TENM1: variants seen among roughly 807,000 people sequenced by gnomAD.
TENM1 encodes teneurin-1.
TENM1 carries 35 observed loss-of-function variants against 174.8 expected under a neutral mutation model. The ratio of observed to expected loss-of-function variants is 0.20; its 90% CI spans 0.15 to 0.27. The LOEUF (loss-of-function observed/expected upper bound fraction) is 0.27, where lower values mean the gene tolerates loss of function less well. Among genes scored for constraint, TENM1 ranks in the 10% least tolerant of loss-of-function variants. TENM1 has a pLI of 1.00. For synonymous variants in TENM1, 781 were observed against 798.7 expected, an observed-to-expected ratio of 0.98 and a Z score of 0.37; for missense variants, 1,633 against 2,130.1, an observed-to-expected ratio of 0.77 and a Z score of 4.59.
intron 6 of TENM1, among the ~76,000 whole-genome samples, chrX:124,669,398 C>T (rs1464448830): frequency 9.0e-6 from 1 of 111,409 alleles, no homozygotes; most frequent in Non-Finnish European, 1.9e-5. Context: ...TTGTCAGTTT[C>T]ATATTTTAGT....
chrX:124,679,330 G>T (rs1024743045), intron 5 of TENM1, among the ~76,000 whole-genome samples: 9 of 111,655 alleles, frequency 8.1e-5, no homozygotes, highest in African/African-American at 2.6e-4. Flanking sequence ...TACTTCCAAG[G>T]CTTGTCAAAA....
the TENM1 span, among the ~76,000 whole-genome samples, chrX:125,009,113 C>CG: frequency 1.1e-5 from 1 of 88,594 alleles, no homozygotes; most frequent in African/African-American, 4.5e-5. Context: ...TTTTTTTTTC[C>CG]GGAAAAAAAA....
chrX:124,387,781 G>A (rs909021116), intron 28 of TENM1, among the ~76,000 whole-genome samples: 6 of 111,897 alleles, frequency 5.4e-5, no homozygotes, highest in Non-Finnish European at 9.4e-5. Context: ...CCAACATTAC[G>A]CCTGCAGAGC....
intron 4 of TENM1, among the ~76,000 whole-genome samples, chrX:124,713,860 G>C (rs1448176710): frequency 1.8e-5 from 2 of 112,151 alleles, no homozygotes; most frequent in African/African-American, 6.5e-5. Context: ...TTCTTGGCTT[G>C]TTGAATGTAA....
chrX:124,523,965 C>T (rs1480600898), intron 16 of TENM1, among the ~76,000 whole-genome samples: 1 of 104,613 alleles, frequency 9.6e-6, no homozygotes, highest in Non-Finnish European at 2.0e-5. Context: ...ACCTCCGCCT[C>T]CTGGGTTCAA....
At chrX:124,462,429 T>TGGGGGGG (rs1487840715) in intron 22 of TENM1, among the ~76,000 whole-genome samples, 2 of 28,816 alleles carry the variant, frequency 6.9e-5, no homozygotes, top group African/African-American at 3.6e-4. Flanking sequence ...TGTGTGTGTG[T>TGGGGGGG]GTGGGGGGGG....
At chrX:124,959,572 A>G (rs2058625617) in intron 1 of TENM1, among the ~76,000 whole-genome samples, 1 of 110,823 alleles carries the variant, frequency 9.0e-6, no homozygotes, top group African/African-American at 3.3e-5. Flanking sequence ...GCTCAAATCT[A>G]CTTATAACAA....
chrX:124,472,331 A>T (rs1012944315), intron 22 of TENM1, among the ~76,000 whole-genome samples: 1 of 7,956 alleles, frequency 1.3e-4, no homozygotes. Flanking sequence ...TGCTTGACGT[A>T]AAAAAAAAAA....
chrX:125,174,458 C>T, the TENM1 span, among the ~76,000 whole-genome samples: 1 of 110,845 alleles, frequency 9.0e-6, no homozygotes, highest in Non-Finnish European at 1.9e-5. Flanking sequence ...TGATATCAGA[C>T]AAAGAGAAAT....
the TENM1 span, among the ~76,000 whole-genome samples, chrX:125,108,930 T>C: frequency 9.0e-6 from 1 of 110,533 alleles, no homozygotes; most frequent in Non-Finnish European, 1.9e-5. Flanking sequence ...TCCCTTCTTA[T>C]CCCAAGACTG....
intron 18 of TENM1, among the ~76,000 whole-genome samples, chrX:124,519,915 T>TA (rs1040572226): frequency 1.1e-4 from 12 of 111,822 alleles, no homozygotes; most frequent in Admixed American, 5.7e-4. Flanking sequence ...TGCCTCATTT[T>TA]AAAAAAATGC....
the TENM1 span, among the ~76,000 whole-genome samples, chrX:124,986,803 G>A: frequency 1.7e-4 from 19 of 110,952 alleles, no homozygotes; most frequent in African/African-American, 3.9e-4. Context: ...CACCACATCC[G>A]GCTAATTTTT....
chrX:124,587,956 C>T (rs1400643950), intron 11 of TENM1, among the ~76,000 whole-genome samples: 1 of 112,093 alleles, frequency 8.9e-6, no homozygotes, highest in Non-Finnish European at 1.9e-5. Context: ...CCATCACTGG[C>T]TATCAGAGAA....
At chrX:124,451,434 G>T (rs1795266304) in intron 23 of TENM1, among the ~76,000 whole-genome samples, 1 of 111,687 alleles carries the variant, frequency 9.0e-6, no homozygotes, top group South Asian at 3.7e-4. Context: ...CATTAAAAAA[G>T]ATGTCTAAAG....
chrX:124,376,144 A>G (rs746067066), exon 32 of TENM1: 3 of 111,773 alleles, frequency 2.7e-5, no homozygotes, highest in Non-Finnish European at 5.6e-5. Flanking sequence ...AGGAATACAA[A>G]ATTGGAACCT....
intron 11 of TENM1, among the ~76,000 whole-genome samples, chrX:124,578,634 C>T (rs2049228415): frequency 8.9e-6 from 1 of 112,031 alleles, no homozygotes; most frequent in African/African-American, 3.2e-5. Flanking sequence ...GAAATTATGA[C>T]TGCCTCTGTT....
chrX:125,159,218 G>A, the TENM1 span, among the ~76,000 whole-genome samples: 432 of 112,196 alleles, frequency 3.9e-3, 1 homozygote, highest in African/African-American at 0.013. Flanking sequence ...TTGGTTTTAA[G>A]CCCCTTAACG....
the TENM1 span, among the ~76,000 whole-genome samples, chrX:125,033,257 T>C: frequency 1.8e-3 from 202 of 111,342 alleles, 1 homozygote; most frequent in African/African-American, 6.6e-3. Context: ...ATGAAAATGT[T>C]TTATCTCAAC....
chrX:124,430,339 AC>A (rs1437292265), intron 23 of TENM1, among the ~76,000 whole-genome samples: 1 of 111,970 alleles, frequency 8.9e-6, no homozygotes, highest in Non-Finnish European at 1.9e-5. Context: ...AGTAGTTAGG[AC>A]CTCAGGCTCA....
Sources: allele counts gnomAD v4.1 joint callset (sites outside exome capture counted in the v4.1 genomes callset), GRCh38; gene constraint gnomAD v4.1.1; transcripts MANE v1.5; gene names NCBI Gene and HGNC (gene_info 2026-07-23, HGNC 2026-07-21).